CACNA1B: variants seen among roughly 807,000 people sequenced by gnomAD.
CACNA1B encodes calcium voltage-gated channel subunit alpha1 B.
Under a neutral mutation model 247.2 loss-of-function variants are expected in CACNA1B, and 70 were observed. The observed-to-expected ratio is 0.28, with a 90% CI of 0.23 to 0.35. CACNA1B has a LOEUF of 0.35. CACNA1B is among the 10% of genes least tolerant of loss of function. The probability of loss-of-function intolerance (pLI) is 1.00; values close to 1 mark genes in which losing one functional copy is unlikely to be tolerated. For synonymous variants in CACNA1B, 1,231 were observed against 1,294.4 expected (o/e 0.95, Z 1.05); for missense variants, 2,367 against 3,197.4 (o/e 0.74, Z 6.26).
rs1408806753 is a variant in CACNA1B at position 138,096,626 on chromosome 9, G to T, written c.5222+15G>T. On this transcript the variant is annotated intron_variant, in intron 37 of 46. Coordinates refer to ENST00000371372, the MANE Select transcript of CACNA1B (RefSeq NM_000718.4). ...CCGGCTGCGTGGTAAGTGAGCCGTG[G>T]TGCTCTGTGGTCCTTGGGGGTGGTC... The T allele has an allele frequency of 5.0e-6, 8 of 1,608,660 alleles. No individual in the cohort carries two copies. The highest frequency in any genetic ancestry group is 5.9e-6 in the Non-Finnish European group (7 of 1,176,908).
chr9:138,003,743 C>T (rs1358110521), intron 15 of CACNA1B, among the ~76,000 whole-genome samples: 1 of 148,980 alleles, frequency 6.7e-6, no homozygotes, highest in Admixed American at 6.7e-5. Flanking sequence ...CTAAGGGCCC[C>T]TGGGCAGGAG....
intron 36 of CACNA1B, among the ~76,000 whole-genome samples, chr9:138,080,496 T>A (rs1960491222): frequency 6.6e-6 from 1 of 152,122 alleles, no homozygotes; most frequent in Non-Finnish European, 1.5e-5. Context: ...TTGATAAGCA[T>A]GTTTAGTGTG....
intron 39 of CACNA1B, among the ~76,000 whole-genome samples, chr9:138,110,919 G>A (rs556569354): frequency 1.3e-5 from 2 of 151,734 alleles, no homozygotes; most frequent in Admixed American, 1.3e-4. Context: ...ATATATGGAA[G>A]GCAAACAAAC....
Position 137,986,741 on chromosome 9 carries a change from T to C in CACNA1B, c.1902-41T>C. The C allele has an allele frequency of 6.5e-7, 1 of 1,542,392 alleles. No homozygotes were observed. ...GAGCCTGCAGGCGCTGCCTCGCTGC[T>C]GACGGGACTGCCACTTCCCAAGCCT... On this transcript the variant is annotated intron_variant, in intron 14 of 46. Transcript: ENST00000371372. The surrounding 1 kb of genome is among the most constrained non-coding windows in gnomAD (Gnocchi z 6.0).
At chr9:137,992,343 G>A (rs1234246590) in intron 15 of CACNA1B, among the ~76,000 whole-genome samples, 3 of 152,024 alleles carry the variant, frequency 2.0e-5, no homozygotes, top group Non-Finnish European at 4.4e-5. Context: ...AAGACAAAGA[G>A]GGACATTATA....
rs563918618 is a variant in CACNA1B at position 138,023,442 on chromosome 9, C to T, written c.2699C>T (p.Pro900Leu). ...RSHSKEAAGP[P>L]EARSERGRGP... ...CACAGCAAGGAGGCCGCGGGGCCCCCGGAGGCGCGGAGCGAGCGCGGCCGA... is the reference window on the plus strand; with the variant it reads ...CACAGCAAGGAGGCCGCGGGGCCCCTGGAGGCGCGGAGCGAGCGCGGCCGA... The change falls in exon 19 of 47, where the codon CCG becomes CTG. Residue 900 changes from proline (P) to leucine (L), a missense_variant. By Grantham distance (98) the Pro-to-Leu change is moderately conservative. Coordinates refer to ENST00000371372, the MANE Select transcript of CACNA1B (RefSeq NM_000718.4). 8.0e-5 allele frequency: 99 copies of T among 1,240,166 alleles called. No homozygotes were observed. In the East Asian group the frequency reaches 2.5e-3, roughly 32 times the overall value. The allele number at this position is 1,240,166 out of a possible 1,614,324, so 76.8% of individuals were successfully genotyped here.
chr9:138,045,362 G>A (rs1215528021), intron 21 of CACNA1B, among the ~76,000 whole-genome samples: 1 of 152,202 alleles, frequency 6.6e-6, no homozygotes, highest in Non-Finnish European at 1.5e-5. Flanking sequence ...AGGCCACTGA[G>A]TAGATGGTAA....
At chr9:137,894,416 A>G (rs565792028) in intron 3 of CACNA1B, among the ~76,000 whole-genome samples, 2 of 142,936 alleles carry the variant, frequency 1.4e-5, no homozygotes, top group South Asian at 4.4e-4. Flanking sequence ...CCATCTGCAT[A>G]TCCTTTTATT....
intron 42 of CACNA1B, among the ~76,000 whole-genome samples, chr9:138,116,221 C>T (rs755116475): frequency 2.6e-5 from 4 of 151,744 alleles, no homozygotes; most frequent in Non-Finnish European, 4.4e-5. Flanking sequence ...TTTCTAACCC[C>T]GTAAGGCACT....
chr9:137,928,248 C>T (rs1277888789), intron 6 of CACNA1B, among the ~76,000 whole-genome samples: 1 of 152,160 alleles, frequency 6.6e-6, no homozygotes, highest in Non-Finnish European at 1.5e-5. Flanking sequence ...CAGGCACCCA[C>T]CACCACGCCT....
Position 138,122,310 on chromosome 9 carries a change from A to C in CACNA1B, c.*311A>C. Reference sequence around the variant, plus strand: ...AGGAGTCCAAATCCCGTGTCCTGGGACTCAGCATCCAGCATGGGTGCTTGG... The same window carrying C: ...AGGAGTCCAAATCCCGTGTCCTGGGCCTCAGCATCCAGCATGGGTGCTTGG... On this transcript the variant is annotated 3_prime_UTR_variant, in exon 47 of 47. Transcript: ENST00000371372. The C allele has an allele frequency of 2.4e-6, 1 of 417,486 alleles. No individual in the cohort carries two copies. The highest frequency in any genetic ancestry group is 4.3e-6 in the Non-Finnish European group (1 of 230,172). 25.9% of individuals were successfully genotyped at this position (417,486 alleles called of 1,614,324 possible). A position where few individuals can be genotyped will look rare whatever the true frequency, so the allele number is the denominator to read the frequency against.
intron 6 of CACNA1B, among the ~76,000 whole-genome samples, chr9:137,930,855 G>C (rs896838902): frequency 2.6e-5 from 4 of 151,874 alleles, no homozygotes; most frequent in African/African-American, 7.3e-5. Context: ...TGTGTCTCGG[G>C]TAATTTTGTT....
rs1961829144 is a variant in CACNA1B, at chr9:138,115,667, A to G, written c.5765A>G (p.Asn1922Ser). The G allele has an allele frequency of 1.2e-6, 2 of 1,612,998 alleles. No homozygotes were observed. The highest frequency in any genetic ancestry group is 1.3e-5 in the African/African-American group (1 of 74,910). Residue 1922 changes from asparagine (N) to serine (S), a missense_variant, in exon 42 of 47, where the codon AAT (asparagine) becomes AGT (serine). Asn to Ser is a conservative substitution (Grantham distance 46). This residue lies in a region of CACNA1B where 773 missense variants were observed against 779.4 expected (regional missense o/e 0.99). Coordinates refer to ENST00000371372, the MANE Select transcript of CACNA1B (RefSeq NM_000718.4). ...CAGAAGAGTTCCACCTCCCTCAGCA[A>G]TGGCGGGGCCATGTGAGTATCCAGA... ...LRQKSSTSLS[N>S]GGAIQNQESG...
At chr9:137,946,001 TA>T (rs1456718201) in intron 6 of CACNA1B, among the ~76,000 whole-genome samples, 1 of 152,120 alleles carries the variant, frequency 6.6e-6, no homozygotes, top group East Asian at 1.9e-4. Flanking sequence ...TTTATATTTT[TA>T]GTAGAGACAG....
Position 137,914,637 on chromosome 9 carries a change from C to T in CACNA1B, c.623-17C>T. On this transcript the variant is annotated splice_polypyrimidine_tract_variant and intron_variant, in intron 4 of 46. Coordinates refer to ENST00000371372, the MANE Select transcript of CACNA1B (RefSeq NM_000718.4). This position sits in a 1 kb window ranked among gnomAD's most constrained non-coding sequence, Gnocchi z 4.3. Reference sequence around the variant, plus strand: ...CCTGCCCACGTTGCTTCCTGACCTGCCCTGTTCTGGCCCCAGGTTTGCAGG... The same window carrying T: ...CCTGCCCACGTTGCTTCCTGACCTGTCCTGTTCTGGCCCCAGGTTTGCAGG... 6.2e-7 allele frequency: 1 copy of T among 1,612,256 alleles called. No homozygotes were observed. Among genetic ancestry groups the T allele is most frequent in the East Asian group, 2.2e-5 (1 of 44,878 alleles).
intron 15 of CACNA1B, among the ~76,000 whole-genome samples, chr9:137,999,958 G>A (rs1339925646): frequency 6.6e-6 from 1 of 152,058 alleles, no homozygotes; most frequent in Non-Finnish European, 1.5e-5. Context: ...ATTGTACAGC[G>A]ACTGATCAAG....
At chr9:138,082,883 C>G (rs1247405445) in intron 36 of CACNA1B, among the ~76,000 whole-genome samples, 1 of 150,944 alleles carries the variant, frequency 6.6e-6, no homozygotes, top group Non-Finnish European at 1.5e-5. Flanking sequence ...AGCACAGAAA[C>G]TTGGGATGGC....
chr9:138,115,904 AG>A (rs1961836994), intron 42 of CACNA1B, among the ~76,000 whole-genome samples: 1 of 152,192 alleles, frequency 6.6e-6, no homozygotes, highest in Non-Finnish European at 1.5e-5. Flanking sequence ...CTCAGTTCTC[AG>A]GGGCTGGCTT....
Position 138,023,743 on chromosome 9 carries a change from G to T in CACNA1B, c.3000G>T (p.Glu1000Asp). 1.9e-6 allele frequency: 3 copies of T among 1,539,932 alleles called. No individual in the cohort carries two copies. The stretch of plus-strand genomic sequence containing the variant: ...TGGAGAAGGAGACCACGGAGAAGGA[G>T]GCCACGGAGAAGGAGGCTGAGATAG... ...EAVEKETTEK[E>D]ATEKEAEIVE... Residue 1000 changes from glutamate to aspartate, a missense_variant, in exon 19 of 47, where the codon GAG (glutamate) becomes GAT (aspartate). By Grantham distance (45) the Glu-to-Asp change is conservative. This residue lies in a region of CACNA1B where 631 missense variants were observed against 631.1 expected (regional missense o/e 1.00). Transcript: ENST00000371372.
Sources: allele counts gnomAD v4.1 joint callset (sites outside exome capture counted in the v4.1 genomes callset), GRCh38; gene constraint gnomAD v4.1.1; regional missense constraint gnomAD v4.1.1; non-coding constraint Gnocchi (gnomAD v3.1); transcripts MANE v1.5; gene names NCBI Gene and HGNC (gene_info 2026-07-23, HGNC 2026-07-21).